Variants in LIN7A observed in about 807,000 individuals in gnomAD.
The protein encoded by LIN7A is lin-7 cell polarity scaffold A, also known as protein lin-7 homolog A.
LIN7A carries 25 observed loss-of-function variants against 29.8 expected under a neutral mutation model. The ratio of observed to expected loss-of-function variants is 0.84; its 90% CI spans 0.61 to 1.17. The LOEUF is 1.17. LIN7A is among the 50% of genes most tolerant of loss of function. The probability of loss-of-function intolerance (pLI) is 0.00; values close to 1 mark genes in which losing one functional copy is unlikely to be tolerated. For synonymous variants in LIN7A, 118 were observed against 107.5 expected (o/e 1.10, Z -0.60); for missense variants, 239 against 287.0 (o/e 0.83, Z 1.21).
chr12:80,876,629 T>C (rs1239046464), intron 2 of LIN7A, among the ~76,000 whole-genome samples: 2 of 152,156 alleles, frequency 1.3e-5, no homozygotes, highest in Non-Finnish European at 2.9e-5. Flanking sequence ...CAAAAGGATA[T>C]ATTCAACAAT....
At chr12:80,808,299 A>G (rs895497145) in intron 5 of LIN7A, among the ~76,000 whole-genome samples, 2 of 151,878 alleles carry the variant, frequency 1.3e-5, no homozygotes, top group Non-Finnish European at 2.9e-5. Context: ...TAAACCCCCT[A>G]TTTTTACTCT....
chr12:80,865,277 A>G (rs1273739142), intron 2 of LIN7A, among the ~76,000 whole-genome samples: 1 of 152,214 alleles, frequency 6.6e-6, no homozygotes, highest in Non-Finnish European at 1.5e-5. Context: ...TTCTACACTG[A>G]TATGACCTAT....
rs527645314 is a variant in LIN7A, at chr12:80,932,203, A to G, written c.82+5438T>C. On this transcript the variant is annotated intron_variant, in intron 1 of 5. Coordinates refer to ENST00000552864, the MANE Select transcript of LIN7A (RefSeq NM_004664.4). ...AGGGAAAAGAGAAAAATTGTAATGT[A>G]TCACAAATTCTATGACAAGTGTGGC... Among the ~76,000 whole-genome samples, 49 of 152,362 alleles carry G rather than the reference A, an allele frequency of 3.2e-4. 1 individual carries two copies. In the South Asian group the frequency reaches 9.9e-3, roughly 31 times the overall value.
intron 4 of LIN7A, among the ~76,000 whole-genome samples, chr12:80,837,468 G>T (rs1381808672): frequency 6.6e-6 from 1 of 151,962 alleles, no homozygotes; most frequent in Non-Finnish European, 1.5e-5. Context: ...GATAGAGATT[G>T]GAATGAGGTG....
intron 3 of LIN7A, among the ~76,000 whole-genome samples, chr12:80,846,794 C>A (rs1246169640): frequency 1.3e-5 from 2 of 152,094 alleles, no homozygotes; most frequent in Non-Finnish European, 2.9e-5. Context: ...AACAACTTAC[C>A]ATTAGTTCCC....
intron 1 of LIN7A, among the ~76,000 whole-genome samples, chr12:80,906,938 T>A (rs147343394): frequency 2.0e-5 from 3 of 152,282 alleles, no homozygotes; most frequent in Non-Finnish European, 2.9e-5. Context: ...TCAGACTTCC[T>A]GGCTCCAATC....
chr12:80,854,391 A>T (rs1376593334), intron 2 of LIN7A, among the ~76,000 whole-genome samples: 2 of 149,310 alleles, frequency 1.3e-5, no homozygotes, highest in Admixed American at 1.4e-4. Flanking sequence ...ACTTGGCAGC[A>T]TAGTGAGACC....
chr12:80,924,219 A>G (rs1422145127), intron 1 of LIN7A, among the ~76,000 whole-genome samples: 3 of 152,206 alleles, frequency 2.0e-5, no homozygotes, highest in African/African-American at 7.2e-5. Context: ...ATGTGTCACC[A>G]TGCAAACTGG....
At chr12:80,917,055 T>C (rs1428301717) in intron 1 of LIN7A, among the ~76,000 whole-genome samples, 1 of 151,424 alleles carries the variant, frequency 6.6e-6, no homozygotes, top group African/African-American at 2.4e-5. Context: ...ATGATGGGAG[T>C]AGGGAAAAGA....
intron 2 of LIN7A, among the ~76,000 whole-genome samples, chr12:80,874,715 G>A (rs1874596750): frequency 6.6e-6 from 1 of 152,166 alleles, no homozygotes; most frequent in African/African-American, 2.4e-5. Flanking sequence ...TGGCCGCGGT[G>A]GCTCACGCCT....
intron 5 of LIN7A, among the ~76,000 whole-genome samples, chr12:80,807,063 G>GTTTTTTTTTTTTT (rs71094991): frequency 2.6e-4 from 14 of 53,582 alleles, no homozygotes; most frequent in African/African-American, 1.1e-3. Flanking sequence ...TGAAGATGGA[G>GTTTTTTTTTTTTT]TTTTTTTTTT....
intron 4 of LIN7A, among the ~76,000 whole-genome samples, chr12:80,814,540 A>G (rs940105612): frequency 6.6e-6 from 1 of 152,026 alleles, no homozygotes; most frequent in Non-Finnish European, 1.5e-5. Flanking sequence ...TTAGAGGCCC[A>G]TTATCTCTGT....
chr12:80,879,646 A>C (rs577443531), intron 2 of LIN7A, among the ~76,000 whole-genome samples: 936 of 25,632 alleles, frequency 0.037, 9 homozygotes, highest in African/African-American at 0.055. Context: ...GGAGCAGCCC[A>C]AAAAAAAAAA....
intron 2 of LIN7A, among the ~76,000 whole-genome samples, chr12:80,855,429 T>G (rs1056889768): frequency 6.6e-6 from 1 of 152,122 alleles, no homozygotes; most frequent in Non-Finnish European, 1.5e-5. Context: ...GAAACTCAGA[T>G]AAGAGTTGAA....
chr12:80,822,938 T>G (rs1871882485), intron 4 of LIN7A, among the ~76,000 whole-genome samples: 1 of 152,068 alleles, frequency 6.6e-6, no homozygotes, highest in South Asian at 2.1e-4. Flanking sequence ...AGTGAGAACT[T>G]ATGGTGCTTT....
intron 4 of LIN7A, among the ~76,000 whole-genome samples, chr12:80,815,275 C>T (rs1871479954): frequency 6.6e-6 from 1 of 152,098 alleles, no homozygotes; most frequent in Non-Finnish European, 1.5e-5. Context: ...CTTTCTTTCC[C>T]TTTTAAGGTA....
chr12:80,930,517 A>T (rs893771673), intron 1 of LIN7A, among the ~76,000 whole-genome samples: 6 of 152,196 alleles, frequency 3.9e-5, no homozygotes, highest in Non-Finnish European at 7.3e-5. Context: ...ATTTATGGTT[A>T]AAAAAATTGA....
intron 1 of LIN7A, among the ~76,000 whole-genome samples, chr12:80,900,814 ACT>A (rs1361305157): frequency 2.0e-5 from 3 of 152,266 alleles, no homozygotes; most frequent in African/African-American, 7.2e-5. Flanking sequence ...ACCATGTCAA[ACT>A]CTATTTAACA....
intron 1 of LIN7A, among the ~76,000 whole-genome samples, chr12:80,917,755 T>C (rs1877099187): frequency 6.6e-6 from 1 of 152,192 alleles, no homozygotes; most frequent in Admixed American, 6.5e-5. Context: ...TGTGTCGAGA[T>C]CTCTCCACTC....
Sources: allele counts gnomAD v4.1 joint callset (sites outside exome capture counted in the v4.1 genomes callset), GRCh38; gene constraint gnomAD v4.1.1; transcripts MANE v1.5; gene names NCBI Gene and HGNC (gene_info 2026-07-23, HGNC 2026-07-21).